TLK1: variants seen among roughly 807,000 people sequenced by gnomAD.
TLK1 encodes serine/threonine-protein kinase tousled-like 1.
In TLK1, 24 loss-of-function variants were observed where a neutral mutation model predicts 105.3. The observed-to-expected ratio is 0.23, with a 90% confidence interval of 0.17 to 0.32. The LOEUF is 0.32. TLK1 is among the 10% of genes least tolerant of loss of function. TLK1 has a pLI of 1.00. For missense variants in TLK1, 558 were observed against 910.5 expected, an observed-to-expected ratio of 0.61 and a Z score of 4.98; for synonymous variants, 321 against 310.4, an observed-to-expected ratio of 1.03 and a Z score of -0.36.
Position 171,037,824 on chromosome 2 carries a change from T to A in TLK1, c.1169+8350A>T, listed in dbSNP as rs189065414. Among the ~76,000 whole-genome samples, 629 of 152,324 alleles carry A rather than the reference T, an allele frequency of 4.1e-3. 6 individuals are homozygous for A. Among genetic ancestry groups the A allele is most frequent in the African/African-American group, 0.014 (568 of 41,568 alleles). On this transcript the variant is annotated intron_variant, in intron 11 of 20. Transcript: ENST00000431350. ...GATTTGCCTGTAACTGTCATTCTTGTACAATCTTTGTTGAGTTTTGACATC... is the reference window on the plus strand; with the variant it reads ...GATTTGCCTGTAACTGTCATTCTTGAACAATCTTTGTTGAGTTTTGACATC...
rs937580051 is a variant in TLK1 at position 171,123,053 on chromosome 2, TAAATACACAC to T, written c.140-5206_140-5197del. Among the ~76,000 whole-genome samples the T allele has an allele frequency of 1.9e-4, 17 of 91,474 alleles. 1 individual carries two copies. The highest frequency in any genetic ancestry group is 1.3e-3 in the East Asian group (4 of 3,046). 60.0% of individuals were successfully genotyped at this position (91,474 alleles called of 152,430 possible). A position where few individuals can be genotyped will look rare whatever the true frequency, so the allele number is the denominator to read the frequency against. On this transcript the variant is annotated intron_variant, in intron 1 of 20. Transcript: ENST00000431350. ...GACCCTATATGAAAAAATAAATAAA[TAAATACACAC>T]ACACACACACACACACACACACACT...
rs1304414616 is a variant in TLK1, at chr2:170,993,876, G to A, written c.2205C>T (p.Leu735=). The A allele has an allele frequency of 4.3e-6, 7 of 1,613,028 alleles. No individual in the cohort carries two copies. Among genetic ancestry groups the A allele is most frequent in the Non-Finnish European group, 5.9e-6 (7 of 1,179,554 alleles). Residue 735 remains leucine, a synonymous_variant, in exon 21 of 21, where the codon CTC becomes CTT. Transcript: ENST00000431350. ...AAGAATTTGATCTTCTCATGTGTGG[G>A]AGAAGGTATGGGTCATTTGCCAGCT... ...VHQLANDPYL[L]PHMRRSNSSG...
At chr2:171,127,271 C>A (rs1259408774) in intron 1 of TLK1, among the ~76,000 whole-genome samples, 2 of 133,610 alleles carry the variant, frequency 1.5e-5, no homozygotes, top group African/African-American at 3.1e-5. Flanking sequence ...AGTGAGACTC[C>A]CGTCTCAAAA....
At chr2:171,003,273 CAAAAAAAAAAAAAAAAAA>C (rs777049271) in intron 18 of TLK1, among the ~76,000 whole-genome samples, 37 of 68,494 alleles carry the variant, frequency 5.4e-4, no homozygotes, top group Admixed American at 1.3e-3. Flanking sequence ...GACTCCGTCT[CAAAAAAAAAAAAAAAAAA>C]AAAAAAAAAA....
rs573852118 is a variant in TLK1, at chr2:171,101,970, A to G, written c.258+15769T>C. On this transcript the variant is annotated intron_variant, in intron 2 of 20. Coordinates refer to ENST00000431350, the MANE Select transcript of TLK1 (RefSeq NM_012290.5). ...GTTTTTAATTAACTTTTGAATAGGC[A>G]ATATAAACAGGCTACTTTGGTTTCT... is the stretch of plus-strand genomic sequence containing the variant. 3.3e-5 allele frequency among the ~76,000 whole-genome samples: 5 copies of G among 152,362 alleles called. No individual in the cohort carries two copies. In the East Asian group the frequency reaches 7.7e-4, roughly 23 times the overall value.
chr2:171,018,653 A>G (rs550255652), intron 12 of TLK1, among the ~76,000 whole-genome samples: 1 of 152,344 alleles, frequency 6.6e-6, no homozygotes, highest in East Asian at 1.9e-4. Flanking sequence ...TCAAACTCAT[A>G]GCAAAACTAG....
chr2:170,998,156 C>T (rs1177190874), intron 18 of TLK1, among the ~76,000 whole-genome samples: 1 of 152,046 alleles, frequency 6.6e-6, no homozygotes, highest in African/African-American at 2.4e-5. Flanking sequence ...TTACAATGGT[C>T]TTATTTGCAG....
rs981594836 is a variant in TLK1, at chr2:171,081,086, T to C, written c.330+1695A>G. ...GATAAAGCTAAGTATATCCAATGAT[T>C]AACCAAATTGTGTTTCATTTCAAAT... is the stretch of plus-strand genomic sequence containing the variant. On this transcript the variant is annotated intron_variant, in intron 3 of 20. Transcript: ENST00000431350. 5.9e-5 allele frequency among the ~76,000 whole-genome samples: 9 copies of C among 152,204 alleles called. No homozygotes were observed. The South Asian group carries it at 1.4e-3, about 24-fold the overall frequency.
intron 18 of TLK1, among the ~76,000 whole-genome samples, chr2:171,000,375 TCA>T (rs869283948): frequency 5.0e-5 from 2 of 39,710 alleles, no homozygotes; most frequent in Non-Finnish European, 4.5e-5. Flanking sequence ...CGAAACTCTG[TCA>T]AAAAAAAAAA....
intron 11 of TLK1, among the ~76,000 whole-genome samples, chr2:171,039,477 T>TC (rs1308398728): frequency 6.6e-6 from 1 of 152,110 alleles, no homozygotes; most frequent in Admixed American, 6.5e-5. Context: ...AGGCTGGTCT[T>TC]CAACTCCTGA....
In TLK1 at chr2:171,056,513, A is replaced by G. The variant is rs758212993; in HGVS notation, c.507T>C (p.Arg169=). 33 of 1,612,156 alleles carry G rather than the reference A, an allele frequency of 2.0e-5. No individual in the cohort carries two copies. Among genetic ancestry groups the G allele is most frequent in the Non-Finnish European group, 2.6e-5 (31 of 1,179,096 alleles). The change falls in exon 6 of 21, where the codon CGT becomes CGC. Residue 169 remains arginine (R), a synonymous_variant. Coordinates refer to ENST00000431350, the MANE Select transcript of TLK1 (RefSeq NM_012290.5). ...SPVRGIPPAI[R]SPQNSHSHST... ...AATGTGAATGTGAATTTTGAGGAGA[A>G]CGGATTGCAGGAGGTATGCCTCTTA...
rs1181007351 is a variant in TLK1, at chr2:171,040,561, C to CTTTT, written c.1169+5609_1169+5612dup. Reference sequence around the variant, plus strand: ...TAATAATGTTATACAAAATATATTCCTTTTTTGTTTTTTTTTTTTTTTTTT... The same window carrying CTTTT: ...TAATAATGTTATACAAAATATATTCCTTTTTTTTTTGTTTTTTTTTTTTTTTTTT... On this transcript the variant is annotated intron_variant, in intron 11 of 20. Coordinates refer to ENST00000431350, the MANE Select transcript of TLK1 (RefSeq NM_012290.5). 5.7e-5 allele frequency among the ~76,000 whole-genome samples: 7 copies of CTTTT among 123,612 alleles called. 1 individual carries two copies. The highest frequency in any genetic ancestry group is 2.1e-4 in the African/African-American group (7 of 33,298). 81.1% of individuals were successfully genotyped at this position (123,612 alleles called of 152,430 possible).
At chr2:171,146,596 A>T (rs1022034620) in intron 1 of TLK1, among the ~76,000 whole-genome samples, 4 of 152,226 alleles carry the variant, frequency 2.6e-5, no homozygotes, top group African/African-American at 9.6e-5. Flanking sequence ...CATGTCTAAG[A>T]TACAGACGTC....
intron 2 of TLK1, among the ~76,000 whole-genome samples, chr2:171,105,156 T>C (rs534040884): frequency 5.6e-4 from 85 of 152,254 alleles, no homozygotes; most frequent in African/African-American, 1.8e-3. Context: ...AGACAAACTA[T>C]TATCTCAAAC....
intron 1 of TLK1, among the ~76,000 whole-genome samples, chr2:171,121,453 C>T (rs574137075): frequency 6.6e-6 from 1 of 152,274 alleles, no homozygotes; most frequent in Non-Finnish European, 1.5e-5. Context: ...ACTGCTTGAG[C>T]CCAGGAGGTC....
chr2:171,204,045 C>G (rs1018243507), intron 1 of TLK1, among the ~76,000 whole-genome samples: 2 of 151,046 alleles, frequency 1.3e-5, no homozygotes, highest in African/African-American at 4.9e-5. Context: ...CAGAGAGAGA[C>G]TCTGTCTCAG....
intron 2 of TLK1, among the ~76,000 whole-genome samples, chr2:171,092,032 G>A (rs1299715413): frequency 6.6e-6 from 1 of 151,198 alleles, no homozygotes; most frequent in African/African-American, 2.4e-5. Context: ...GCGCCCGGCC[G>A]TCTTTTTTTT....
chr2:171,013,599 C>A (rs751043366), intron 13 of TLK1, among the ~76,000 whole-genome samples: 7 of 152,116 alleles, frequency 4.6e-5, no homozygotes, highest in Admixed American at 6.6e-5. Flanking sequence ...AGCCAGCACA[C>A]CTGGCTTTCA....
intron 12 of TLK1, among the ~76,000 whole-genome samples, chr2:171,021,426 G>T (rs1204007691): frequency 7.6e-6 from 1 of 131,742 alleles, no homozygotes; most frequent in Non-Finnish European, 1.6e-5. Context: ...CTGCTTTCCC[G>T]CCCCGACTTT....
Sources: gnomAD v4.1 joint callset for allele counts (sites outside exome capture counted in the v4.1 genomes callset) on GRCh38, gnomAD v4.1.1 for gene constraint, MANE v1.5 for transcripts, NCBI Gene and HGNC (gene_info 2026-07-23, HGNC 2026-07-21) for gene names.